Variants in NEGR1 observed in about 807,000 individuals in gnomAD.
NEGR1 encodes neuronal growth regulator 1.
In NEGR1, 10 loss-of-function variants were observed where a neutral mutation model predicts 40.9. That is an observed-to-expected ratio of 0.24 (90% CI 0.15 to 0.42). The LOEUF (loss-of-function observed/expected upper bound fraction) is 0.42. Ranked by LOEUF, NEGR1 falls within the 10% of genes least tolerant of loss-of-function variation. NEGR1 has a pLI of 1.00. For missense variants in NEGR1, 352 were observed against 438.9 expected, an observed-to-expected ratio of 0.80 and a Z score of 1.77; for synonymous variants, 185 against 166.8, an observed-to-expected ratio of 1.11 and a Z score of -0.84.
chr1:72,144,956 C>T (rs374904770), intron 1 of NEGR1, among the ~76,000 whole-genome samples: 4 of 152,026 alleles, frequency 2.6e-5, no homozygotes, highest in African/African-American at 9.7e-5. Flanking sequence ...CTTGCATTGT[C>T]CTTCCATATT....
chr1:71,434,957 G>A (rs1433967229), intron 6 of NEGR1, among the ~76,000 whole-genome samples: 1 of 151,920 alleles, frequency 6.6e-6, no homozygotes, highest in Non-Finnish European at 1.5e-5. Flanking sequence ...CCGGCATAGT[G>A]GCGGGCGCCT....
intron 1 of NEGR1, among the ~76,000 whole-genome samples, chr1:72,025,468 T>G (rs1417325730): frequency 6.6e-6 from 1 of 152,142 alleles, no homozygotes; most frequent in African/African-American, 2.4e-5. Context: ...AATTCATTGA[T>G]TCAATAACTA....
chr1:72,176,763 A>G (rs1245660675), intron 1 of NEGR1, among the ~76,000 whole-genome samples: 1 of 152,072 alleles, frequency 6.6e-6, no homozygotes, highest in Non-Finnish European at 1.5e-5. Flanking sequence ...AAGCAGGAAC[A>G]AATCATGGGA....
intron 1 of NEGR1, among the ~76,000 whole-genome samples, chr1:72,119,988 C>T (rs2630401): frequency 6.6e-5 from 10 of 151,730 alleles, no homozygotes; most frequent in East Asian, 3.9e-4. Flanking sequence ...TGATTAATTA[C>T]GAAAAATGAC....
intron 4 of NEGR1, among the ~76,000 whole-genome samples, chr1:71,642,383 G>C (rs1272874535): frequency 1.3e-5 from 2 of 151,676 alleles, no homozygotes; most frequent in Non-Finnish European, 2.9e-5. Context: ...AGAAAGAAAA[G>C]AGAGAAAGAG....
At chr1:71,825,244 G>T (rs1342997731) in intron 2 of NEGR1, among the ~76,000 whole-genome samples, 4 of 151,910 alleles carry the variant, frequency 2.6e-5, no homozygotes, top group Non-Finnish European at 5.9e-5. Context: ...GGCTAATGAG[G>T]TAGAGCTTCT....
chr1:71,841,667 TAA>T (rs1264250705), intron 2 of NEGR1, among the ~76,000 whole-genome samples: 1 of 152,134 alleles, frequency 6.6e-6, no homozygotes, highest in African/African-American at 2.4e-5. Context: ...ATCTTCAGAA[TAA>T]AAAGAAAAAT....
At chr1:72,077,900 C>T (rs1291924055) in intron 1 of NEGR1, among the ~76,000 whole-genome samples, 1 of 151,988 alleles carries the variant, frequency 6.6e-6, no homozygotes, top group African/African-American at 2.4e-5. Context: ...AGTCAACAAC[C>T]CCTAGAAATT....
intron 1 of NEGR1, among the ~76,000 whole-genome samples, chr1:72,127,848 T>C (rs1411785753): frequency 6.6e-6 from 1 of 152,132 alleles, no homozygotes; most frequent in Non-Finnish European, 1.5e-5. Flanking sequence ...TTGTCATCTT[T>C]TTCAAAGTAT....
chr1:72,065,527 A>T (rs1308884754), intron 1 of NEGR1, among the ~76,000 whole-genome samples: 1 of 152,148 alleles, frequency 6.6e-6, no homozygotes, highest in Non-Finnish European at 1.5e-5. Flanking sequence ...GGAACAGAGC[A>T]CCTTCTCCAC....
intron 3 of NEGR1, among the ~76,000 whole-genome samples, chr1:71,742,345 T>C (rs181731188): frequency 6.6e-6 from 1 of 152,144 alleles, no homozygotes; most frequent in East Asian, 1.9e-4. Context: ...AGAAAATCTA[T>C]AGAGACAGGA....
chr1:71,723,207 T>C (rs1343915162), intron 3 of NEGR1, among the ~76,000 whole-genome samples: 15 of 152,144 alleles, frequency 9.9e-5, no homozygotes, highest in Admixed American at 6.6e-4. Flanking sequence ...TGAACATCTT[T>C]GGTCTCTTGG....
intron 1 of NEGR1, among the ~76,000 whole-genome samples, chr1:72,116,159 G>T (rs1158677065): frequency 3.3e-5 from 5 of 151,708 alleles, no homozygotes; most frequent in Admixed American, 6.6e-5. Context: ...TACAGTAAAA[G>T]TTCCACTCTG....
At chr1:71,806,067 A>T (rs1657760040) in intron 2 of NEGR1, among the ~76,000 whole-genome samples, 1 of 152,170 alleles carries the variant, frequency 6.6e-6, no homozygotes, top group Non-Finnish European at 1.5e-5. Context: ...TGAATATTGC[A>T]GTGGGCAATA....
chr1:71,413,064 TC>T (rs1313745338), intron 6 of NEGR1, among the ~76,000 whole-genome samples: 2 of 152,262 alleles, frequency 1.3e-5, no homozygotes, highest in East Asian at 1.9e-4. Context: ...TGGTTCAAGT[TC>T]CAATTCCATC....
intron 3 of NEGR1, among the ~76,000 whole-genome samples, chr1:71,732,782 T>C (rs1309456557): frequency 6.6e-6 from 1 of 152,122 alleles, no homozygotes; most frequent in Non-Finnish European, 1.5e-5. Context: ...ACAGAGCAAA[T>C]CAGAGAATGT....
At chr1:71,843,250 G>C (rs1188626810) in intron 2 of NEGR1, among the ~76,000 whole-genome samples, 3 of 152,090 alleles carry the variant, frequency 2.0e-5, no homozygotes, top group Non-Finnish European at 4.4e-5. Context: ...TTGTCCTATT[G>C]CACAGAAACA....
At chr1:71,711,131 A>T (rs1346066163) in intron 3 of NEGR1, among the ~76,000 whole-genome samples, 2 of 151,616 alleles carry the variant, frequency 1.3e-5, no homozygotes, top group East Asian at 1.9e-4. Context: ...AGGTCAGGAG[A>T]TAGAGACCAT....
At chr1:71,591,183 A>T (rs995233944) in intron 6 of NEGR1, among the ~76,000 whole-genome samples, 2 of 152,132 alleles carry the variant, frequency 1.3e-5, no homozygotes, top group Non-Finnish European at 2.9e-5. Flanking sequence ...AAATTAATCA[A>T]ATTGTATGTA....
Sources: allele counts gnomAD v4.1 joint callset (sites outside exome capture counted in the v4.1 genomes callset), GRCh38; gene constraint gnomAD v4.1.1; transcripts MANE v1.5; gene names NCBI Gene and HGNC (gene_info 2026-07-23, HGNC 2026-07-21).